CELF2: variants seen among roughly 807,000 people sequenced by gnomAD.
The protein encoded by CELF2 is CUG triplet repeat RNA-binding protein 2.
CELF2 carries 8 observed loss-of-function variants against 62.6 expected under a neutral mutation model. The observed-to-expected ratio is 0.13, with a 90% CI of 0.07 to 0.23. CELF2 has a LOEUF of 0.23. CELF2 is among the 10% of genes least tolerant of loss of function. The pLI, the probability that CELF2 is intolerant of heterozygous loss-of-function variation, is 1.00. For missense variants in CELF2, 333 were observed against 671.0 expected, an observed-to-expected ratio of 0.50 and a Z score of 5.56; for synonymous variants, 258 against 250.0, an observed-to-expected ratio of 1.03 and a Z score of -0.30.
the CELF2 span, among the ~76,000 whole-genome samples, chr10:10,749,555 GA>G: frequency 1.3e-5 from 2 of 152,202 alleles, no homozygotes; most frequent in Non-Finnish European, 2.9e-5. Context: ...GAGGAAGGGT[GA>G]ATAGTATAGA....
At chr10:11,019,276 C>T (rs2057900957) in intron 1 of CELF2, among the ~76,000 whole-genome samples, 1 of 152,180 alleles carries the variant, frequency 6.6e-6, no homozygotes, top group African/African-American at 2.4e-5. Context: ...TTTCTCTGAT[C>T]AGGCGAGAAA....
At chr10:10,791,103 A>C in the CELF2 span, among the ~76,000 whole-genome samples, 69 of 152,280 alleles carry the variant, frequency 4.5e-4, 1 homozygote, top group South Asian at 8.1e-3. Context: ...TCATTCAATA[A>C]AATTCTCTAT....
chr10:10,920,882 T>C (rs1397688448), intron 2 of CELF2, among the ~76,000 whole-genome samples: 2 of 152,072 alleles, frequency 1.3e-5, no homozygotes, highest in Non-Finnish European at 1.5e-5. Flanking sequence ...TTAAGAGGTA[T>C]TTTGCTGGGC....
intron 1 of CELF2, among the ~76,000 whole-genome samples, chr10:10,819,742 AG>A (rs1196662601): frequency 3.9e-5 from 6 of 152,108 alleles, no homozygotes; most frequent in Non-Finnish European, 8.8e-5. Flanking sequence ...TGGAGCTTGC[AG>A]AAGTGTTTTG....
rs2095898379 is a variant in CELF2, at chr10:11,328,824, A to ACCTCATGCTGGCT, written c.1439-100_1439-88dup. On this transcript the variant is annotated intron_variant, in intron 12 of 12. Transcript: ENST00000633077. The surrounding 1 kb of genome is among the most constrained non-coding windows in gnomAD (Gnocchi z 6.4). ...GCTGTGCTGGGCCCGTGGGGCTGGC[A>ACCTCATGCTGGCT]CCTCATGCTGGCTCTTCAGCCTTCC... 7.3e-7 allele frequency: 1 copy of ACCTCATGCTGGCT among 1,364,234 alleles called. No homozygotes were observed. 84.5% of individuals were successfully genotyped at this position (1,364,234 alleles called of 1,614,324 possible).
chr10:10,656,791 C>G, the CELF2 span, among the ~76,000 whole-genome samples: 1 of 142,690 alleles, frequency 7.0e-6, no homozygotes, highest in Non-Finnish European at 1.5e-5. Context: ...TTAGTGGGTG[C>G]AGCGCACCAG....
At chr10:10,696,269 G>A in the CELF2 span, among the ~76,000 whole-genome samples, 1 of 151,944 alleles carries the variant, frequency 6.6e-6, no homozygotes, top group Non-Finnish European at 1.5e-5. Flanking sequence ...GCCGTGTGAG[G>A]TGTCAGTGTG....
chr10:11,258,435 A>G (rs968181282), intron 5 of CELF2, among the ~76,000 whole-genome samples: 9 of 152,190 alleles, frequency 5.9e-5, no homozygotes, highest in African/African-American at 1.9e-4. Context: ...TCGTTAAGTG[A>G]CAGAAAAGCG....
intron 8 of CELF2, among the ~76,000 whole-genome samples, chr10:11,284,871 G>GAT (rs758500884): frequency 4.0e-5 from 6 of 150,558 alleles, no homozygotes; most frequent in Non-Finnish European, 5.9e-5. Flanking sequence ...TGGATGGATG[G>GAT]ATAGTTGGGT....
At chr10:11,148,926 C>A (rs887025981) in intron 1 of CELF2, among the ~76,000 whole-genome samples, 2 of 151,722 alleles carry the variant, frequency 1.3e-5, no homozygotes, top group African/African-American at 2.4e-5. Context: ...TTAAAAATAG[C>A]CTCAATAAAC....
intron 1 of CELF2, among the ~76,000 whole-genome samples, chr10:10,877,712 G>C (rs1485710066): frequency 6.6e-6 from 1 of 152,236 alleles, no homozygotes; most frequent in Non-Finnish European, 1.5e-5. Flanking sequence ...TGATAAGGCT[G>C]TAAGATAATG....
rs553399174 is a variant in CELF2, at chr10:11,243,995, T to A, written c.355-5158T>A. ...GTAGATTGAATTAGCGACCACCACA[T>A]CACCTGGGCCCTCCCCCGTCTCCTG... On this transcript the variant is annotated intron_variant, in intron 3 of 12. Transcript: ENST00000633077. This position sits in a 1 kb window ranked among gnomAD's most constrained non-coding sequence, Gnocchi z 4.1. 6.6e-6 allele frequency among the ~76,000 whole-genome samples: 1 copy of A among 152,252 alleles called. No homozygotes were observed. Among genetic ancestry groups the A allele is most frequent in the Admixed American group, 6.5e-5 (1 of 15,304 alleles).
At position 11,270,084 on chromosome 10, in the gene CELF2, A is replaced by G. The variant is rs1462000238; in HGVS notation, c.619-582A>G. On this transcript the variant is annotated intron_variant, in intron 6 of 12. Coordinates refer to ENST00000633077, the MANE Select transcript of CELF2 (RefSeq NM_001326342.2). This position sits in a 1 kb window ranked among gnomAD's most constrained non-coding sequence, Gnocchi z 5.8. Reference sequence around the variant, plus strand: ...TTTGGAGAATGCCTGTGTTCTCTGAATATCTTCTGCCCTCATCCTCAAAAC... The same window carrying G: ...TTTGGAGAATGCCTGTGTTCTCTGAGTATCTTCTGCCCTCATCCTCAAAAC... 6.6e-6 allele frequency among the ~76,000 whole-genome samples: 1 copy of G among 152,188 alleles called. No individual in the cohort carries two copies. The highest frequency in any genetic ancestry group is 1.9e-4 in the East Asian group (1 of 5,196).
intron 1 of CELF2, among the ~76,000 whole-genome samples, chr10:11,071,952 G>T (rs2070189857): frequency 1.3e-5 from 2 of 152,192 alleles, no homozygotes; most frequent in South Asian, 4.2e-4. Flanking sequence ...TCAGCATTGT[G>T]ACCATGACAA....
At position 11,332,840 on chromosome 10, in the gene CELF2, G is replaced by A. The variant is rs1223880629; in HGVS notation, c.*3787G>A. The A allele has an allele frequency of 6.6e-6, 1 of 152,604 alleles. No individual in the cohort carries two copies. Among genetic ancestry groups the A allele is most frequent in the South Asian group, 2.1e-4 (1 of 4,830 alleles). The allele number at this position is 152,604 out of a possible 1,614,324, so 9.5% of individuals were successfully genotyped here. A position where few individuals can be genotyped will look rare whatever the true frequency, so the allele number is the denominator to read the frequency against. Reference sequence around the variant, plus strand: ...ATTATCCTCACATGTGTTTACTACTGCTGGGGCCTTCCTTCATCCTCTGAG... The same window carrying A: ...ATTATCCTCACATGTGTTTACTACTACTGGGGCCTTCCTTCATCCTCTGAG... On this transcript the variant is annotated 3_prime_UTR_variant, in exon 13 of 13. Transcript: ENST00000633077.
chr10:11,235,005 A>G (rs2070597260), intron 3 of CELF2, among the ~76,000 whole-genome samples: 1 of 152,208 alleles, frequency 6.6e-6, no homozygotes, highest in Non-Finnish European at 1.5e-5. Flanking sequence ...TCCCTGCTTC[A>G]AACATGAGTT....
At chr10:11,201,179 A>G (rs969121217) in intron 2 of CELF2, among the ~76,000 whole-genome samples, 1 of 152,238 alleles carries the variant, frequency 6.6e-6, no homozygotes, top group Non-Finnish European at 1.5e-5. Flanking sequence ...TGAGGCAGAG[A>G]TAGCACTGAC....
At chr10:11,166,753 G>A (rs2067336133) in intron 2 of CELF2, among the ~76,000 whole-genome samples, 1 of 152,208 alleles carries the variant, frequency 6.6e-6, no homozygotes, top group Non-Finnish European at 1.5e-5. Flanking sequence ...TTGGGCACAC[G>A]AACATATTGG....
intron 2 of CELF2, among the ~76,000 whole-genome samples, chr10:10,985,813 T>C (rs565780552): frequency 2.0e-5 from 3 of 152,316 alleles, no homozygotes; most frequent in African/African-American, 7.2e-5. Flanking sequence ...CAAAGCTGGG[T>C]CTGCACGTGG....
Sources: gnomAD v4.1 joint callset for allele counts (sites outside exome capture counted in the v4.1 genomes callset) on GRCh38, gnomAD v4.1.1 for gene constraint, Gnocchi (gnomAD v3.1) non-coding constraint, MANE v1.5 for transcripts, NCBI Gene and HGNC (gene_info 2026-07-23, HGNC 2026-07-21) for gene names.